The following ZCCHC8 variants were observed in gnomAD, a reference collection of about 807,000 sequenced individuals.
ZCCHC8 encodes zinc finger CCHC domain-containing protein 8.
ZCCHC8 carries 27 observed loss-of-function variants against 70.6 expected under a neutral mutation model. The ratio of observed to expected loss-of-function variants is 0.38; its 90% CI spans 0.28 to 0.53. ZCCHC8 has a LOEUF of 0.53. Among genes scored for constraint, ZCCHC8 ranks in the 20% least tolerant of loss-of-function variants. The probability of loss-of-function intolerance (pLI) is 0.81; values close to 1 mark genes in which losing one functional copy is unlikely to be tolerated. For synonymous variants in ZCCHC8, 293 were observed against 317.4 expected (o/e 0.92, Z 0.82); for missense variants, 737 against 876.9 (o/e 0.84, Z 2.01).
At chr12:122,479,990 T>C (rs1957499133) in intron 11 of ZCCHC8, among the ~76,000 whole-genome samples, 200 bp downstream of exon 11, 1 of 152,100 alleles carries the variant, frequency 6.6e-6, no homozygotes, top group Non-Finnish European at 1.5e-5. Flanking sequence ...TTTAAATTTT[T>C]TCATAGAGAC....
At chr12:122,493,103 AG>A (rs1593330924) in intron 2 of ZCCHC8, among the ~76,000 whole-genome samples, 3 of 152,256 alleles carry the variant, frequency 2.0e-5, no homozygotes, top group East Asian at 3.9e-4. Flanking sequence ...CCTGAGCTCA[AG>A]GGATCCACCT....
chr12:122,482,803 T>C lies in ZCCHC8; in HGVS notation c.672-108A>G, dbSNP rs79397939. On this transcript the variant is annotated intron_variant, in intron 7 of 13. Coordinates refer to ENST00000633063, the MANE Select transcript of ZCCHC8 (RefSeq NM_017612.5). ...TGTATCAGAGAGACAAGAAAGCAAG[T>C]TGATCACAGATCACTAATATCTGCA... The C allele has an allele frequency of 6.0e-3, 5,262 of 870,666 alleles. 197 individuals are homozygous for C. The African/African-American group carries it at 0.079, about 13-fold the overall frequency. The allele number at this position is 870,666 out of a possible 1,614,324, so 53.9% of individuals were successfully genotyped here.
Position 122,500,423 on chromosome 12 carries a change from C to T in ZCCHC8, c.199+219G>A. The T allele has an allele frequency of 9.7e-6, 6 of 615,726 alleles. No homozygotes were observed. The highest frequency in any genetic ancestry group is 1.7e-5 in the Non-Finnish European group (6 of 361,700). 38.1% of individuals were successfully genotyped at this position (615,726 alleles called of 1,614,324 possible). A position where few individuals can be genotyped will look rare whatever the true frequency, so the allele number is the denominator to read the frequency against. ...GGCAGGAGTGGGTCTGGTCAGGAGA[C>T]GGCCTCCCTGAGGGGAAGAGGTCTG... On this transcript the variant is annotated intron_variant, in intron 1 of 13. Transcript: ENST00000633063. The surrounding 1 kb of genome is among the most constrained non-coding windows in gnomAD (Gnocchi z 4.8).
chr12:122,489,292 T>C, intron 5 of ZCCHC8, 94 bp downstream of exon 5: 1 of 1,131,530 alleles, frequency 8.8e-7, no homozygotes, highest in Non-Finnish European at 1.3e-6. Context: ...TGAAGACATA[T>C]GACTATACTA....
In ZCCHC8 at chr12:122,472,104, T is replaced by A. The variant is rs899358379; in HGVS notation, c.*1393A>T. ...TTCAAAATAATTACTTTTCAAAAAT[T>A]CTGCTGTTTCTATATTTAAGGCTGA... On this transcript the variant is annotated 3_prime_UTR_variant, in exon 14 of 14. Transcript: ENST00000633063. 3.3e-5 allele frequency: 5 copies of A among 152,174 alleles called. No individual in the cohort carries two copies. The highest frequency in any genetic ancestry group is 1.3e-4 in the Admixed American group (2 of 15,274). The allele number at this position is 152,174 out of a possible 1,614,324, so 9.4% of individuals were successfully genotyped here.
chr12:122,499,504 ACCTGATCCTCATGATCCT>A (rs1409633741), intron 1 of ZCCHC8: 1 of 152,770 alleles, frequency 6.5e-6, no homozygotes, highest in Non-Finnish European at 1.5e-5. Flanking sequence ...CTCATGATCC[ACCTGATCCTCATGATCCT>A]CCTGACCTCA....
In ZCCHC8 at chr12:122,473,943, G is replaced by A; in HGVS notation, c.1678C>T (p.Pro560Ser). 1 of 1,611,196 alleles carries A rather than the reference G, an allele frequency of 6.2e-7. No individual in the cohort carries two copies. Among genetic ancestry groups the A allele is most frequent in the Non-Finnish European group, 8.5e-7 (1 of 1,179,088 alleles). ...TGNSVASSPC[P>S]NELDLPVPEG... is the part of the protein sequence containing the mutation. ...GGGACAGGGAGGTCTAGCTCATTTGGACAAGGTGATGAGGCAACGGAATTG... is the reference window on the plus strand; with the variant it reads ...GGGACAGGGAGGTCTAGCTCATTTGAACAAGGTGATGAGGCAACGGAATTG... Residue 560 changes from proline (P) to serine (S), a missense_variant, in exon 14 of 14, where the codon CCA becomes TCA. Transcript: ENST00000633063.
In ZCCHC8 at chr12:122,473,482, T is replaced by G; in HGVS notation, c.*15A>C. ...AACAAAGTTATTAAATAGCTCTCAG[T>G]GCTAAGTCAAGCCATTATTCAGAGG... On this transcript the variant is annotated 3_prime_UTR_variant, in exon 14 of 14. Coordinates refer to ENST00000633063, the MANE Select transcript of ZCCHC8 (RefSeq NM_017612.5). 1 of 1,611,028 alleles carries G rather than the reference T, an allele frequency of 6.2e-7. No homozygotes were observed.
At chr12:122,481,857 T>C in intron 9 of ZCCHC8, 88 bp downstream of exon 9, 1 of 1,501,042 alleles carries the variant, frequency 6.7e-7, no homozygotes, top group East Asian at 2.3e-5. Flanking sequence ...AGTACACTTA[T>C]ATCCTGATAA....
chr12:122,482,973 C>T (rs1327915197), intron 7 of ZCCHC8: 3 of 518,448 alleles, frequency 5.8e-6, no homozygotes, highest in African/African-American at 5.7e-5. Context: ...TCAAGGTGAA[C>T]ACATTGATCA....
chr12:122,497,325 C>A (rs562979184), intron 2 of ZCCHC8, among the ~76,000 whole-genome samples: 1 of 151,486 alleles, frequency 6.6e-6, no homozygotes, highest in African/African-American at 2.4e-5. Context: ...ACAGATCACT[C>A]GAGGCCAGGA....
rs1324452642 is a variant in ZCCHC8 at position 122,500,921 on chromosome 12, C to A, written c.-81G>T. The A allele has an allele frequency of 7.0e-7, 1 of 1,438,526 alleles. No individual in the cohort carries two copies. The highest frequency in any genetic ancestry group is 9.4e-7 in the Non-Finnish European group (1 of 1,060,722). 89.1% of individuals were successfully genotyped at this position (1,438,526 alleles called of 1,614,324 possible). Reference sequence around the variant, plus strand: ...AAGAAGGTTGGAAGGCGGCACCACTCTCTAGAGCTCTGGCCGCACGGAGCC... The same window carrying A: ...AAGAAGGTTGGAAGGCGGCACCACTATCTAGAGCTCTGGCCGCACGGAGCC... On this transcript the variant is annotated 5_prime_UTR_variant, in exon 1 of 14. Transcript: ENST00000633063. The surrounding 1 kb of genome is among the most constrained non-coding windows in gnomAD (Gnocchi z 4.8).
At chr12:122,499,090 G>A in intron 1 of ZCCHC8, 1 of 553,668 alleles carries the variant, frequency 1.8e-6, no homozygotes, top group Non-Finnish European at 3.2e-6. Flanking sequence ...TATATTCTAA[G>A]ACACGATCCT....
Position 122,483,703 on chromosome 12 carries a change from C to A in ZCCHC8, c.502-140G>T, listed in dbSNP as rs1957581463. The A allele has an allele frequency of 1.4e-6, 1 of 726,066 alleles. No homozygotes were observed. The allele number at this position is 726,066 out of a possible 1,614,324, so 45.0% of individuals were successfully genotyped here. ...TAATAACTTCCTTGTTATTAAGGAG[C>A]CAGACTTTGATGTGTAAGTAGAAAC... On this transcript the variant is annotated intron_variant, in intron 5 of 13. Transcript: ENST00000633063. This position sits in a 1 kb window ranked among gnomAD's most constrained non-coding sequence, Gnocchi z 4.4.
At chr12:122,489,663 G>A (rs1957710523) in intron 4 of ZCCHC8, among the ~76,000 whole-genome samples, 200 bp from the exon 5 acceptor site, 1 of 152,092 alleles carries the variant, frequency 6.6e-6, no homozygotes, top group Non-Finnish European at 1.5e-5. Flanking sequence ...TAATTATGCC[G>A]CTTTCAACAC....
intron 5 of ZCCHC8, among the ~76,000 whole-genome samples, chr12:122,488,534 T>C (rs1402730309): frequency 6.6e-6 from 1 of 151,804 alleles, no homozygotes; most frequent in Non-Finnish European, 1.5e-5. Context: ...GAAAACCAGT[T>C]TTCCTTCAAT....
chr12:122,478,633 A>G (rs6489014), intron 11 of ZCCHC8: 121,234 of 204,448 alleles, frequency 0.59, 37,280 homozygotes, highest in African/African-American at 0.75. Context: ...TAACAGGGCC[A>G]TTCATCGCCC....
intron 5 of ZCCHC8, among the ~76,000 whole-genome samples, chr12:122,489,135 G>C (rs1466334194): frequency 1.3e-5 from 2 of 152,106 alleles, no homozygotes; most frequent in Non-Finnish European, 2.9e-5. Flanking sequence ...CCAACTTCTT[G>C]AATAAACACA....
chr12:122,482,787 G>A lies in ZCCHC8; in HGVS notation c.672-92C>T, dbSNP rs1392564289. ...CTATATGACAGCAAAGTGTATCAGA[G>A]AGACAAGAAAGCAAGTTGATCACAG... On this transcript the variant is annotated intron_variant, in intron 7 of 13. Transcript: ENST00000633063. The A allele has an allele frequency of 1.0e-5, 11 of 1,099,554 alleles. No individual in the cohort carries two copies. The South Asian group carries it at 1.4e-4, about 14-fold the overall frequency. The allele number at this position is 1,099,554 out of a possible 1,614,324, so 68.1% of individuals were successfully genotyped here.
Sources: gnomAD v4.1 joint callset for allele counts (sites outside exome capture counted in the v4.1 genomes callset) on GRCh38, gnomAD v4.1.1 for gene constraint, Gnocchi (gnomAD v3.1) non-coding constraint, MANE v1.5 for transcripts, NCBI Gene and HGNC (gene_info 2026-07-23, HGNC 2026-07-21) for gene names.